Variants in CFAP161 observed in about 807,000 individuals in gnomAD.
CFAP161 encodes the protein cilia and flagella associated protein 161.
CFAP161 carries 25 observed loss-of-function variants against 29.0 expected under a neutral mutation model. That is an observed-to-expected ratio of 0.86 (90% confidence interval 0.63 to 1.20). CFAP161 has a LOEUF of 1.20. Ranked by LOEUF, CFAP161 falls within the 50% of genes most tolerant of loss-of-function variation. The pLI is 0.00. For missense variants in CFAP161, 367 were observed against 371.9 expected (o/e 0.99, Z 0.11); for synonymous variants, 116 against 137.4 (o/e 0.84, Z 1.09).
intron 3 of CFAP161, among the ~76,000 whole-genome samples, 164 bp from the exon 4 acceptor site, chr15:81,137,887 A>G (rs914569951): frequency 5.3e-5 from 8 of 152,222 alleles, no homozygotes; most frequent in African/African-American, 1.9e-4. Context: ...TTTAAGACCA[A>G]AAGAAAACAC....
chr15:81,148,188 C>T, intron 6 of CFAP161, 150 bp from the exon 7 acceptor site: 1 of 844,006 alleles, frequency 1.2e-6, no homozygotes, highest in South Asian at 1.9e-5. Context: ...AAGGTGTAAC[C>T]TCCCTGCAAA....
chr15:81,123,684 T>G (rs1283258661), intron 1 of CFAP161, among the ~76,000 whole-genome samples: 1 of 152,224 alleles, frequency 6.6e-6, no homozygotes, highest in African/African-American at 2.4e-5. Flanking sequence ...TAGAATGTTT[T>G]TCCATTTGTT....
At chr15:81,102,346 C>T (rs1230558556) in intron 1 of CFAP161, among the ~76,000 whole-genome samples, 1 of 152,026 alleles carries the variant, frequency 6.6e-6, no homozygotes, top group African/African-American at 2.4e-5. Context: ...GTGATCTATG[C>T]AGAGTGTTAT....
chr15:81,137,252 T>G (rs1360038027), intron 3 of CFAP161, among the ~76,000 whole-genome samples: 1 of 152,142 alleles, frequency 6.6e-6, no homozygotes, highest in Non-Finnish European at 1.5e-5. Context: ...ATGATCACAA[T>G]TAAAAACTAT....
upstream of CFAP161, among the ~76,000 whole-genome samples, chr15:81,133,227 A>ATATATATT (rs1567156509): frequency 6.0e-5 from 3 of 50,406 alleles, no homozygotes; most frequent in Non-Finnish European, 1.3e-4. Flanking sequence ...ATATATATGT[A>ATATATATT]TTTTTTTTTA....
Position 81,143,577 on chromosome 15 carries a change from T to C in CFAP161, c.478-85T>C, listed in dbSNP as rs1595920060. The C allele has an allele frequency of 3.5e-6, 5 of 1,421,994 alleles. No homozygotes were observed. In the East Asian group the frequency reaches 1.1e-4, roughly 33 times the overall value. The allele number at this position is 1,421,994 out of a possible 1,614,324, so 88.1% of individuals were successfully genotyped here. On this transcript the variant is annotated intron_variant, in intron 4 of 6. Coordinates refer to ENST00000286732, the MANE Select transcript of CFAP161 (RefSeq NM_173528.4). ...TTTTGAGAACTGCTTTGAATGTGCTTGCCGTCCAGCCAGTCAATTGCTTCT... is the reference window on the plus strand; with the variant it reads ...TTTTGAGAACTGCTTTGAATGTGCTCGCCGTCCAGCCAGTCAATTGCTTCT...
At chr15:81,138,693 C>G (rs1392595196) in intron 4 of CFAP161, among the ~76,000 whole-genome samples, 1 of 152,090 alleles carries the variant, frequency 6.6e-6, no homozygotes, top group Non-Finnish European at 1.5e-5. Context: ...TTATTTAATG[C>G]TTTTTGAGCC....
intron 1 of CFAP161, among the ~76,000 whole-genome samples, chr15:81,100,242 C>A (rs1017403849): frequency 5.1e-5 from 3 of 58,884 alleles, no homozygotes; most frequent in African/African-American, 9.5e-5. Context: ...AAACTGTATT[C>A]ATAATACTTA....
intron 1 of CFAP161, among the ~76,000 whole-genome samples, chr15:81,107,929 T>G (rs8032632): frequency 0.093 from 14,101 of 152,146 alleles, 1,856 homozygotes; most frequent in African/African-American, 0.3. Context: ...CACATTTTTT[T>G]TTTTTGATGG....
intron 2 of CFAP161, 31 bp from the exon 3 acceptor site, chr15:81,136,485 T>C: frequency 3.8e-6 from 6 of 1,596,838 alleles, no homozygotes; most frequent in Non-Finnish European, 5.2e-6. Flanking sequence ...AATTGCATGG[T>C]TTATGTAATA....
At chr15:81,107,797 G>T (rs1297850097) in intron 1 of CFAP161, among the ~76,000 whole-genome samples, 2 of 152,140 alleles carry the variant, frequency 1.3e-5, no homozygotes, top group African/African-American at 2.4e-5. Flanking sequence ...CTAACCTCTT[G>T]TAACGGAAGT....
chr15:81,120,047 T>TA (rs149615962), intron 1 of CFAP161, among the ~76,000 whole-genome samples: 1,589 of 152,172 alleles, frequency 0.01, 26 homozygotes, highest in African/African-American at 0.037. Flanking sequence ...TCCTAAATAA[T>TA]AAAAAACTTA....
At position 81,135,262 on chromosome 15, in the gene CFAP161, C is replaced by A; in HGVS notation, c.70-8C>A. The A allele has an allele frequency of 6.4e-7, 1 of 1,565,248 alleles. No individual in the cohort carries two copies. The highest frequency in any genetic ancestry group is 8.6e-7 in the Non-Finnish European group (1 of 1,157,440). On this transcript the variant is annotated splice_polypyrimidine_tract_variant and splice_region_variant and intron_variant, in intron 1 of 6. Coordinates refer to ENST00000286732, the MANE Select transcript of CFAP161 (RefSeq NM_173528.4). ...ATTCAGGGCTACTTTTGTTGATTTT[C>A]TGTTTAGGAGCTCATGAAAGACTTC...
At chr15:81,106,504 A>C (rs1159361938) in intron 1 of CFAP161, among the ~76,000 whole-genome samples, 1 of 152,192 alleles carries the variant, frequency 6.6e-6, no homozygotes, top group Non-Finnish European at 1.5e-5. Flanking sequence ...CAGTGAGAGA[A>C]GATGTATCAT....
chr15:81,111,843 T>C (rs1002928595), intron 1 of CFAP161, among the ~76,000 whole-genome samples: 3 of 152,238 alleles, frequency 2.0e-5, no homozygotes, highest in African/African-American at 7.2e-5. Context: ...TGAGTCATTG[T>C]TCCTTAAATA....
chr15:81,137,946 C>CA (rs60867938), intron 3 of CFAP161, 105 bp from the exon 4 acceptor site: 292,443 of 786,756 alleles, frequency 0.37, 62,547 homozygotes, highest in East Asian at 0.75. Flanking sequence ...TATAAATTAT[C>CA]AAAAAACTGA....
chr15:81,133,208 TATATATATATATATATGTA>T (rs1361703584), upstream of CFAP161, among the ~76,000 whole-genome samples: 3,378 of 64,542 alleles, frequency 0.052, 226 homozygotes, highest in Admixed American at 0.066. Flanking sequence ...TATATATATA[TATATATATATATATATGTA>T]TTTTTTTTTA....
chr15:81,117,310 CA>C (rs1444055818), intron 1 of CFAP161, among the ~76,000 whole-genome samples: 1 of 152,104 alleles, frequency 6.6e-6, no homozygotes. Flanking sequence ...AATGCTGTCG[CA>C]ATCTCAGTGT....
intron 1 of CFAP161, among the ~76,000 whole-genome samples, chr15:81,118,681 C>A (rs1003336250): frequency 2.0e-5 from 3 of 152,272 alleles, no homozygotes; most frequent in Non-Finnish European, 4.4e-5. Context: ...GAGGGCCGCA[C>A]CGGGCTGTAC....
Sources: gnomAD v4.1 joint callset for allele counts (sites outside exome capture counted in the v4.1 genomes callset) on GRCh38, gnomAD v4.1.1 for gene constraint, MANE v1.5 for transcripts, NCBI Gene and HGNC (gene_info 2026-07-23, HGNC 2026-07-21) for gene names.